Variants in PTPRD observed in about 807,000 individuals in gnomAD.
PTPRD encodes the protein receptor-type tyrosine-protein phosphatase delta.
Under a neutral mutation model 214.5 loss-of-function variants are expected in PTPRD, and 34 were observed. The observed-to-expected ratio is 0.16, with a 90% CI of 0.12 to 0.21. PTPRD has a LOEUF of 0.21. Ranked by LOEUF, PTPRD falls within the 10% of genes least tolerant of loss-of-function variation. The pLI is 1.00. For synonymous variants in PTPRD, 1,128 were observed against 845.7 expected, an observed-to-expected ratio of 1.33 and a Z score of -5.79; for missense variants, 2,545 against 2,398.7, an observed-to-expected ratio of 1.06 and a Z score of -1.27.
intron 2 of PTPRD, among the ~76,000 whole-genome samples, chr9:10,580,782 C>A (rs2071450481): frequency 6.6e-6 from 1 of 152,184 alleles, no homozygotes; most frequent in African/African-American, 2.4e-5. Context: ...CACCTAGTCT[C>A]ATAGTCAGAG....
At chr9:10,170,103 G>A (rs1369555657) in intron 3 of PTPRD, among the ~76,000 whole-genome samples, 2 of 152,188 alleles carry the variant, frequency 1.3e-5, no homozygotes. Context: ...AAGAATGATA[G>A]AGAAACTTTG....
At chr9:10,038,544 T>C (rs544680747) in intron 3 of PTPRD, among the ~76,000 whole-genome samples, 1 of 152,122 alleles carries the variant, frequency 6.6e-6, no homozygotes, top group Non-Finnish European at 1.5e-5. Flanking sequence ...CAACCTCATA[T>C]TGGAGATACT....
At chr9:9,479,201 A>G (rs2095273002) in intron 8 of PTPRD, among the ~76,000 whole-genome samples, 1 of 133,472 alleles carries the variant, frequency 7.5e-6, no homozygotes, top group African/African-American at 2.9e-5. Flanking sequence ...ACACATACAT[A>G]CATACACACA....
chr9:8,918,797 T>C (rs549111117), intron 11 of PTPRD, among the ~76,000 whole-genome samples: 1 of 152,298 alleles, frequency 6.6e-6, no homozygotes, highest in Admixed American at 6.5e-5. Flanking sequence ...TGACACAATA[T>C]TGTGGACCAA....
intron 11 of PTPRD, among the ~76,000 whole-genome samples, chr9:8,770,209 A>C (rs1039926472): frequency 6.6e-6 from 1 of 152,070 alleles, no homozygotes; most frequent in African/African-American, 2.4e-5. Flanking sequence ...TTGAACCGGG[A>C]GAAGTGGAGG....
At chr9:10,352,002 T>C (rs1424640136) in intron 2 of PTPRD, among the ~76,000 whole-genome samples, 1 of 152,002 alleles carries the variant, frequency 6.6e-6, no homozygotes, top group Non-Finnish European at 1.5e-5. Flanking sequence ...GATAGGTAAA[T>C]CCTATTTCAT....
intron 12 of PTPRD, among the ~76,000 whole-genome samples, chr9:8,692,150 T>C (rs919939263): frequency 3.9e-5 from 6 of 152,138 alleles, no homozygotes; most frequent in African/African-American, 1.4e-4. Flanking sequence ...TTACATAGAT[T>C]AGTAATAAAA....
chr9:9,989,959 G>A (rs1272658469), intron 4 of PTPRD, among the ~76,000 whole-genome samples: 1 of 152,162 alleles, frequency 6.6e-6, no homozygotes, highest in Non-Finnish European at 1.5e-5. Context: ...CCCTTCACAA[G>A]TCCCGCAAAG....
At chr9:8,410,262 G>T (rs548138293) in intron 35 of PTPRD, among the ~76,000 whole-genome samples, 2 of 152,312 alleles carry the variant, frequency 1.3e-5, no homozygotes, top group South Asian at 4.1e-4. Context: ...TGAATCCTAT[G>T]ATGTTTTAGA....
intron 5 of PTPRD, among the ~76,000 whole-genome samples, chr9:9,836,340 G>C (rs59463961): frequency 9.2e-5 from 14 of 152,286 alleles, no homozygotes; most frequent in African/African-American, 3.1e-4. Context: ...AAGACGATCT[G>C]CTCAGTGGAT....
intron 11 of PTPRD, among the ~76,000 whole-genome samples, chr9:8,952,178 C>A (rs2099105700): frequency 1.3e-5 from 2 of 151,844 alleles, no homozygotes; most frequent in Admixed American, 1.3e-4. Context: ...GTTTTGCTTA[C>A]TTTTTTGCTT....
intron 8 of PTPRD, among the ~76,000 whole-genome samples, chr9:9,437,940 G>C (rs1465294790): frequency 2.0e-5 from 3 of 152,176 alleles, no homozygotes; most frequent in African/African-American, 4.8e-5. Flanking sequence ...AGTTCTGGAG[G>C]CTACAACTTT....
intron 11 of PTPRD, among the ~76,000 whole-genome samples, chr9:8,842,764 C>T (rs1252857136): frequency 9.9e-5 from 15 of 152,168 alleles, no homozygotes; most frequent in South Asian, 2.1e-4. Context: ...TTGGCCTGAT[C>T]TGTGACAAAA....
chr9:9,413,676 C>G (rs916602909), intron 8 of PTPRD, among the ~76,000 whole-genome samples: 3 of 152,104 alleles, frequency 2.0e-5, no homozygotes, highest in African/African-American at 7.2e-5. Context: ...TTGGTTCTGT[C>G]CTTTTTAAAC....
At chr9:10,550,525 C>T (rs148722612) in intron 2 of PTPRD, among the ~76,000 whole-genome samples, 74 of 152,188 alleles carry the variant, frequency 4.9e-4, no homozygotes, top group Non-Finnish European at 9.3e-4. Context: ...TTTTGGAGAC[C>T]CTCTGAGGAG....
At chr9:9,719,530 C>A (rs1232746068) in intron 7 of PTPRD, among the ~76,000 whole-genome samples, 1 of 142,098 alleles carries the variant, frequency 7.0e-6, no homozygotes, top group Non-Finnish European at 1.5e-5. Flanking sequence ...GGCAGCTTCC[C>A]CAAACAGGAA....
intron 11 of PTPRD, among the ~76,000 whole-genome samples, chr9:8,952,078 C>G (rs889553424): frequency 1.3e-5 from 2 of 151,706 alleles, no homozygotes; most frequent in African/African-American, 4.8e-5. Context: ...AACTATTTAC[C>G]TTATTTCTCT....
chr9:8,883,270 T>A (rs1309855209), intron 11 of PTPRD, among the ~76,000 whole-genome samples: 1 of 152,212 alleles, frequency 6.6e-6, no homozygotes, highest in Admixed American at 6.5e-5. Context: ...TGATAGCAAC[T>A]ATCGTAAGGG....
chr9:10,516,519 G>C (rs975903490), intron 2 of PTPRD, among the ~76,000 whole-genome samples: 5 of 151,806 alleles, frequency 3.3e-5, no homozygotes, highest in Non-Finnish European at 5.9e-5. Flanking sequence ...CAACTCCTTA[G>C]GTTTCCTTTT....
Sources: gnomAD v4.1 joint callset for allele counts (sites outside exome capture counted in the v4.1 genomes callset) on GRCh38, gnomAD v4.1.1 for gene constraint, MANE v1.5 for transcripts, NCBI Gene and HGNC (gene_info 2026-07-23, HGNC 2026-07-21) for gene names.